HDAC9: variants seen among roughly 807,000 people sequenced by gnomAD.
HDAC9 encodes MEF-2 interacting transcription repressor (MITR) protein.
In HDAC9, 41 loss-of-function variants were observed where a neutral mutation model predicts 139.4. That is an observed-to-expected ratio of 0.29 (90% CI 0.23 to 0.38). The LOEUF is 0.38. Among genes scored for constraint, HDAC9 ranks in the 10% least tolerant of loss-of-function variants. The probability of loss-of-function intolerance (pLI) is 1.00; values close to 1 mark genes in which losing one functional copy is unlikely to be tolerated. For synonymous variants in HDAC9, 517 were observed against 476.2 expected, an observed-to-expected ratio of 1.09 and a Z score of -1.12; for missense variants, 1,147 against 1,297.0, an observed-to-expected ratio of 0.88 and a Z score of 1.78.
At chr7:18,751,252 A>G (rs1360306274) in intron 14 of HDAC9, among the ~76,000 whole-genome samples, 1 of 152,172 alleles carries the variant, frequency 6.6e-6, no homozygotes, top group African/African-American at 2.4e-5. Flanking sequence ...ACTATCATAC[A>G]ACTATGGGTT....
chr7:18,523,938 TG>T (rs1272001593), intron 2 of HDAC9, among the ~76,000 whole-genome samples: 1 of 150,874 alleles, frequency 6.6e-6, no homozygotes, highest in Non-Finnish European at 1.5e-5. Flanking sequence ...TTGCTTGTCT[TG>T]CTATTCACCT....
chr7:18,270,854 A>G (rs894671394), intron 2 of HDAC9, among the ~76,000 whole-genome samples: 1 of 152,160 alleles, frequency 6.6e-6, no homozygotes, highest in African/African-American at 2.4e-5. Context: ...ATCATTGGAA[A>G]TGGATTTTTT....
intron 2 of HDAC9, among the ~76,000 whole-genome samples, chr7:18,579,400 T>C (rs771247437): frequency 2.6e-5 from 4 of 152,168 alleles, no homozygotes; most frequent in Non-Finnish European, 4.4e-5. Flanking sequence ...ACATATTTGG[T>C]TGAATATTGT....
chr7:18,417,960 G>A (rs562572494), intron 1 of HDAC9, among the ~76,000 whole-genome samples: 17 of 152,166 alleles, frequency 1.1e-4, no homozygotes, highest in African/African-American at 2.6e-4. Context: ...TCTCAGCTCT[G>A]TTTCCTCAAG....
chr7:18,614,114 C>G (rs1442969229), intron 6 of HDAC9, among the ~76,000 whole-genome samples: 1 of 152,098 alleles, frequency 6.6e-6, no homozygotes, highest in Non-Finnish European at 1.5e-5. Flanking sequence ...ACCCAGCTTT[C>G]TCATCTATAA....
intron 2 of HDAC9, among the ~76,000 whole-genome samples, chr7:18,189,272 T>C (rs1790151375): frequency 6.7e-6 from 1 of 149,828 alleles, no homozygotes; most frequent in Non-Finnish European, 1.5e-5. Context: ...ATGTTCTCAC[T>C]CGTAAGCAGG....
At chr7:18,357,238 T>A (rs1026401134) in intron 1 of HDAC9, among the ~76,000 whole-genome samples, 4 of 152,120 alleles carry the variant, frequency 2.6e-5, no homozygotes, top group African/African-American at 9.7e-5. Flanking sequence ...ATATCCAATC[T>A]AATATATATG....
intron 22 of HDAC9, among the ~76,000 whole-genome samples, chr7:18,931,842 C>A (rs1804769945): frequency 1.3e-5 from 2 of 151,960 alleles, no homozygotes; most frequent in Non-Finnish European, 2.9e-5. Flanking sequence ...AGTTGAGGGG[C>A]AGAGAGGGAG....
chr7:18,901,110 A>G (rs1428151230), intron 22 of HDAC9, among the ~76,000 whole-genome samples: 1 of 151,666 alleles, frequency 6.6e-6, no homozygotes, highest in Non-Finnish European at 1.5e-5. Flanking sequence ...TTCTAATAAT[A>G]TACTACAGAG....
intron 6 of HDAC9, among the ~76,000 whole-genome samples, chr7:18,623,414 C>G (rs551452087): frequency 2.0e-5 from 3 of 152,054 alleles, no homozygotes; most frequent in Non-Finnish European, 4.4e-5. Context: ...GCAGCCATCT[C>G]TCTCTCTACT....
chr7:18,542,083 C>T (rs1660478963), intron 2 of HDAC9, among the ~76,000 whole-genome samples: 1 of 152,168 alleles, frequency 6.6e-6, no homozygotes, highest in South Asian at 2.1e-4. Context: ...ACACTCCACT[C>T]TGTGGTGACA....
At chr7:18,658,887 A>G (rs193061678) in intron 11 of HDAC9, among the ~76,000 whole-genome samples, 2 of 136,894 alleles carry the variant, frequency 1.5e-5, no homozygotes, top group East Asian at 2.3e-4. Context: ...TTTATTTAAA[A>G]GAAAAAAAAA....
At chr7:18,147,944 G>A (rs1786472806) in intron 1 of HDAC9, among the ~76,000 whole-genome samples, 1 of 152,064 alleles carries the variant, frequency 6.6e-6, no homozygotes, top group Non-Finnish European at 1.5e-5. Context: ...TAATTGCTGT[G>A]TATTATTCTA....
At chr7:18,201,988 C>T (rs906187127) in intron 2 of HDAC9, among the ~76,000 whole-genome samples, 1 of 152,226 alleles carries the variant, frequency 6.6e-6, no homozygotes, top group Non-Finnish European at 1.5e-5. Flanking sequence ...TTCCTGTTCT[C>T]TCCTGACCAG....
intron 1 of HDAC9, among the ~76,000 whole-genome samples, chr7:18,402,400 T>C (rs535170783): frequency 1.3e-5 from 2 of 152,238 alleles, no homozygotes; most frequent in South Asian, 4.2e-4. Context: ...AAGGAGGAGG[T>C]TCTGATCTGA....
intron 1 of HDAC9, among the ~76,000 whole-genome samples, chr7:18,137,451 T>C (rs1404945048): frequency 6.6e-6 from 1 of 151,750 alleles, no homozygotes; most frequent in Non-Finnish European, 1.5e-5. Context: ...TTGTCATAGA[T>C]AGCTCTTATT....
intron 2 of HDAC9, among the ~76,000 whole-genome samples, chr7:18,218,379 G>C (rs934404055): frequency 6.6e-6 from 1 of 152,126 alleles, no homozygotes; most frequent in Non-Finnish European, 1.5e-5. Flanking sequence ...GGGAGATGGA[G>C]ATTGTAGTGA....
upstream of HDAC9, among the ~76,000 whole-genome samples, chr7:18,492,172 T>C (rs139580507): frequency 1.3e-5 from 2 of 152,090 alleles, no homozygotes; most frequent in Non-Finnish European, 2.9e-5. Flanking sequence ...GAGATTGTTA[T>C]TTTCAGGATT....
chr7:18,281,123 G>C (rs545041079), intron 2 of HDAC9, among the ~76,000 whole-genome samples: 1 of 152,308 alleles, frequency 6.6e-6, no homozygotes, highest in South Asian at 2.1e-4. Flanking sequence ...ACAGAGCTTA[G>C]TTTGTGAGTC....
Sources: gnomAD v4.1 joint callset for allele counts (sites outside exome capture counted in the v4.1 genomes callset) on GRCh38, gnomAD v4.1.1 for gene constraint, MANE v1.5 for transcripts, NCBI Gene and HGNC (gene_info 2026-07-23, HGNC 2026-07-21) for gene names.